DAPK2: variants seen among roughly 807,000 people sequenced by gnomAD.
The protein encoded by DAPK2 is death associated protein kinase 2.
DAPK2 carries 35 observed loss-of-function variants against 44.1 expected under a neutral mutation model. That is an observed-to-expected ratio of 0.79 (90% CI 0.61 to 1.05). The LOEUF is 1.05. Among genes scored for constraint, DAPK2 ranks in the 50% least tolerant of loss-of-function variants. The pLI is 0.00. For missense variants in DAPK2, 453 were observed against 483.2 expected, an observed-to-expected ratio of 0.94 and a Z score of 0.59; for synonymous variants, 174 against 182.6, an observed-to-expected ratio of 0.95 and a Z score of 0.38.
chr15:64,005,359 G>T (rs1368058082), intron 1 of DAPK2, among the ~76,000 whole-genome samples: 2 of 150,918 alleles, frequency 1.3e-5, no homozygotes, highest in Non-Finnish European at 2.9e-5. Flanking sequence ...CAAGGGTTTG[G>T]TAAGTTCAGC....
chr15:64,032,512 G>C (rs1027545297), intron 1 of DAPK2, among the ~76,000 whole-genome samples: 1 of 152,190 alleles, frequency 6.6e-6, no homozygotes, highest in Admixed American at 6.5e-5. Context: ...CATTAGTGCT[G>C]CTCGCCCCAG....
intron 2 of DAPK2, among the ~76,000 whole-genome samples, chr15:63,975,527 A>C (rs1211596865): frequency 6.6e-6 from 1 of 152,094 alleles, no homozygotes; most frequent in African/African-American, 2.4e-5. Context: ...TAGTAAATAG[A>C]GTCAGGATTC....
chr15:63,972,047 A>G (rs1460397445), intron 2 of DAPK2, among the ~76,000 whole-genome samples: 2 of 152,268 alleles, frequency 1.3e-5, no homozygotes, highest in Admixed American at 6.5e-5. Flanking sequence ...CTTATAAAAG[A>G]GACCCCAGAG....
chr15:63,999,021 G>A (rs1036715586), intron 1 of DAPK2, among the ~76,000 whole-genome samples: 6 of 152,080 alleles, frequency 3.9e-5, no homozygotes, highest in Admixed American at 6.6e-5. Flanking sequence ...GGGCTGTTTT[G>A]TGAAATTTTC....
At chr15:64,018,403 T>C (rs1383887034) in intron 1 of DAPK2, among the ~76,000 whole-genome samples, 1 of 152,230 alleles carries the variant, frequency 6.6e-6, no homozygotes, top group Admixed American at 6.5e-5. Flanking sequence ...AAGACTCTTT[T>C]ACTGGTTGTT....
intron 1 of DAPK2, among the ~76,000 whole-genome samples, chr15:64,025,331 C>T (rs528801751): frequency 1.3e-5 from 2 of 152,298 alleles, no homozygotes; most frequent in African/African-American, 4.8e-5. Flanking sequence ...AGTGCAGGGC[C>T]AGGTATCGAG....
upstream of DAPK2, among the ~76,000 whole-genome samples, chr15:64,042,080 A>G (rs1339623757): frequency 6.6e-6 from 1 of 152,186 alleles, no homozygotes; most frequent in African/African-American, 2.4e-5. This position sits in a 1 kb window ranked among gnomAD's most constrained non-coding sequence, Gnocchi z 4.7. Context: ...GCAGGTGGGT[A>G]CCCTCTCTGG....
intron 3 of DAPK2, among the ~76,000 whole-genome samples, chr15:63,951,710 A>G (rs2077592135): frequency 6.6e-6 from 1 of 152,188 alleles, no homozygotes; most frequent in Non-Finnish European, 1.5e-5. Context: ...CCCCTGGCAT[A>G]CAGTAGACCT....
intron 1 of DAPK2, among the ~76,000 whole-genome samples, chr15:63,989,802 C>G (rs1269962094): frequency 1.3e-5 from 2 of 152,104 alleles, no homozygotes; most frequent in South Asian, 4.1e-4. Context: ...AGCAATTCTC[C>G]TGCCTCAGTC....
intron 3 of DAPK2, among the ~76,000 whole-genome samples, chr15:63,959,768 T>C (rs1250768057): frequency 6.6e-6 from 1 of 152,238 alleles, no homozygotes; most frequent in Non-Finnish European, 1.5e-5. Context: ...AGTATTTTAT[T>C]GAGGAGTTTT....
chr15:64,043,299 C>T (rs534962652), upstream of DAPK2, among the ~76,000 whole-genome samples: 12 of 152,224 alleles, frequency 7.9e-5, no homozygotes, highest in African/African-American at 1.7e-4. Flanking sequence ...AAATGATCCA[C>T]GTTAGAATGG....
chr15:63,934,249 GTTTTTTTTTTT>G (rs772176640), intron 4 of DAPK2, among the ~76,000 whole-genome samples: 2 of 63,292 alleles, frequency 3.2e-5, no homozygotes, highest in East Asian at 3.4e-4. Context: ...TTTTATCCTA[GTTTTTTTTTTT>G]TTTTTTTTTT....
At chr15:64,024,195 C>G (rs957308215) in intron 1 of DAPK2, among the ~76,000 whole-genome samples, 4 of 152,176 alleles carry the variant, frequency 2.6e-5, no homozygotes, top group African/African-American at 9.7e-5. Flanking sequence ...AGGTGAAAAT[C>G]AATTCATCCT....
chr15:64,044,254 G>A (rs1277014697), upstream of DAPK2, among the ~76,000 whole-genome samples: 3 of 152,120 alleles, frequency 2.0e-5, no homozygotes, highest in Non-Finnish European at 4.4e-5. Context: ...TTCTCCTGAT[G>A]GAGTCCTTGG....
chr15:63,945,080 G>T (rs1477451959), intron 3 of DAPK2, among the ~76,000 whole-genome samples: 1 of 152,138 alleles, frequency 6.6e-6, no homozygotes, highest in East Asian at 1.9e-4. Context: ...GCCCAGACTG[G>T]ATTTAAACTC....
chr15:63,914,539 G>C (rs767204891), intron 8 of DAPK2, among the ~76,000 whole-genome samples: 2 of 152,156 alleles, frequency 1.3e-5, no homozygotes, highest in Non-Finnish European at 2.9e-5. Context: ...CACAAAAGTG[G>C]ATGGAGGGTG....
At chr15:63,971,919 C>T (rs977578198) in intron 2 of DAPK2, among the ~76,000 whole-genome samples, 3 of 152,184 alleles carry the variant, frequency 2.0e-5, no homozygotes, top group South Asian at 2.1e-4. Context: ...TGAATGTTTG[C>T]GTTCCTCCAA....
chr15:63,939,119 C>T lies in DAPK2; in HGVS notation c.583+113G>A, dbSNP rs1232913635. On this transcript the variant is annotated intron_variant, in intron 4 of 10. Coordinates refer to ENST00000261891, the Ensembl canonical transcript of DAPK2. This position sits in a 1 kb window ranked among gnomAD's most constrained non-coding sequence, Gnocchi z 4.3. ...ACCCATTAGGTTTCTAGAGATGTCCCAATGCATCATCTCTTTGCTCAGAGG... is the reference window on the plus strand; with the variant it reads ...ACCCATTAGGTTTCTAGAGATGTCCTAATGCATCATCTCTTTGCTCAGAGG... 6.6e-7 allele frequency: 1 copy of T among 1,510,724 alleles called. No homozygotes were observed. Among genetic ancestry groups the T allele is most frequent in the Non-Finnish European group, 8.9e-7 (1 of 1,128,378 alleles). The allele number at this position is 1,510,724 out of a possible 1,614,324, so 93.6% of individuals were successfully genotyped here.
Position 63,990,421 on chromosome 15 carries a change from C to T in DAPK2, c.93-6667G>A, listed in dbSNP as rs1347194660. ...CCAGCCTGGGTGACAGAGCAAGACT[C>T]CATCTAGAAAAAGAAAAAGAAAGGT... On this transcript the variant is annotated intron_variant, in intron 1 of 10. Transcript: ENST00000261891. This position sits in a 1 kb window ranked among gnomAD's most constrained non-coding sequence, Gnocchi z 4.3. Among the ~76,000 whole-genome samples, 1 of 16,188 alleles carries T rather than the reference C, an allele frequency of 6.2e-5. No individual in the cohort carries two copies. The highest frequency in any genetic ancestry group is 1.3e-4 in the African/African-American group (1 of 7,516). 10.6% of individuals were successfully genotyped at this position (16,188 alleles called of 152,430 possible). A position where few individuals can be genotyped will look rare whatever the true frequency, so the allele number is the denominator to read the frequency against.
Sources: gnomAD v4.1 joint callset for allele counts (sites outside exome capture counted in the v4.1 genomes callset) on GRCh38, gnomAD v4.1.1 for gene constraint, Gnocchi (gnomAD v3.1) non-coding constraint, MANE v1.5 for transcripts, NCBI Gene and HGNC (gene_info 2026-07-23, HGNC 2026-07-21) for gene names.